The following CHL1 variants were observed in gnomAD, a reference collection of about 807,000 sequenced individuals.
CHL1 encodes neural cell adhesion molecule L1-like protein.
CHL1 carries 96 observed loss-of-function variants against 141.9 expected under a neutral mutation model. The observed-to-expected ratio is 0.68, with a 90% CI of 0.57 to 0.80. The LOEUF (loss-of-function observed/expected upper bound fraction) is 0.80. CHL1 is among the 30% of genes least tolerant of loss of function. The probability of loss-of-function intolerance (pLI) is 0.00; values close to 1 mark genes in which losing one functional copy is unlikely to be tolerated. For synonymous variants in CHL1, 613 were observed against 502.2 expected, an observed-to-expected ratio of 1.22 and a Z score of -2.95; for missense variants, 1,820 against 1,457.2, an observed-to-expected ratio of 1.25 and a Z score of -4.05.
intron 1 of CHL1, among the ~76,000 whole-genome samples, chr3:237,955 T>A (rs13060510): frequency 0.51 from 76,977 of 152,010 alleles, 21,134 homozygotes; most frequent in Non-Finnish European, 0.61. Context: ...ATTGCCTATA[T>A]AAGGTTTTGC....
At chr3:355,772 A>G (rs1703659284) in intron 11 of CHL1, among the ~76,000 whole-genome samples, 1 of 151,492 alleles carries the variant, frequency 6.6e-6, no homozygotes, top group Non-Finnish European at 1.5e-5. Context: ...TGCTTGAATG[A>G]AAAAAAATGT....
chr3:304,185 A>G (rs1361708446), intron 2 of CHL1, among the ~76,000 whole-genome samples: 1 of 152,112 alleles, frequency 6.6e-6, no homozygotes, highest in East Asian at 1.9e-4. Context: ...CATCAGGGAT[A>G]TTGGCCTGAA....
intron 3 of CHL1, among the ~76,000 whole-genome samples, chr3:320,422 G>A (rs957453409): frequency 1.3e-5 from 2 of 151,898 alleles, no homozygotes; most frequent in African/African-American, 4.8e-5. Flanking sequence ...GTAGTCTGAT[G>A]GAAATATATA....
intron 14 of CHL1, among the ~76,000 whole-genome samples, chr3:365,150 C>T (rs189547032): frequency 6.6e-6 from 1 of 152,258 alleles, no homozygotes; most frequent in Non-Finnish European, 1.5e-5. Flanking sequence ...TCAGCTTGTG[C>T]AGTTGGTCTC....
chr3:251,511 T>G (rs1693690305), intron 2 of CHL1, among the ~76,000 whole-genome samples: 1 of 152,178 alleles, frequency 6.6e-6, no homozygotes. Context: ...TGATTTGCAA[T>G]GTGATCTTAG....
At chr3:290,446 G>A (rs940207541) in intron 2 of CHL1, among the ~76,000 whole-genome samples, 1 of 152,090 alleles carries the variant, frequency 6.6e-6, no homozygotes, top group Non-Finnish European at 1.5e-5. Context: ...TTATATTCTA[G>A]GTTAGAAAAG....
intron 22 of CHL1, 131 bp downstream of exon 22, chr3:391,290 T>A (rs552029043): frequency 1.4e-6 from 1 of 696,478 alleles, no homozygotes; most frequent in African/African-American, 1.8e-5. Context: ...CCAAGGCAGA[T>A]GGATCACTTG....
At chr3:382,116 C>CT in intron 16 of CHL1, 63 bp from the exon 17 acceptor site, 1 of 1,432,810 alleles carries the variant, frequency 7.0e-7, no homozygotes. Flanking sequence ...GGCAATGTGT[C>CT]TGAGGAAGGG....
intron 15 of CHL1, chr3:376,331 C>T (rs1706313867): frequency 2.0e-6 from 1 of 493,518 alleles, no homozygotes; most frequent in Non-Finnish European, 4.0e-6. Flanking sequence ...ATTATCCAGG[C>T]TTCATGTTCA....
In CHL1 at chr3:406,168, TA is replaced by T. The variant is rs1709520634; in HGVS notation, c.*462del. On this transcript the variant is annotated 3_prime_UTR_variant, in exon 28 of 28. Coordinates refer to ENST00000256509, the MANE Select transcript of CHL1 (RefSeq NM_006614.4). The stretch of plus-strand genomic sequence containing the variant: ...ATAAGCAAACTGGTTATTTAAAATG[TA>T]AAAAGGAATATGAAAGTCTTATTAA... The T allele has an allele frequency of 6.5e-6, 1 of 153,778 alleles. No homozygotes were observed. The highest frequency in any genetic ancestry group is 1.4e-5 in the Non-Finnish European group (1 of 69,292). 9.5% of individuals were successfully genotyped at this position (153,778 alleles called of 1,614,324 possible). A position where few individuals can be genotyped will look rare whatever the true frequency, so the allele number is the denominator to read the frequency against.
intron 2 of CHL1, among the ~76,000 whole-genome samples, chr3:283,798 G>C (rs989224541): frequency 1.3e-5 from 2 of 152,072 alleles, no homozygotes; most frequent in African/African-American, 4.8e-5. Context: ...AATGTCTTCA[G>C]ATAACATAAA....
intron 26 of CHL1, among the ~76,000 whole-genome samples, chr3:401,032 G>T (rs1709086229): frequency 6.6e-6 from 1 of 150,560 alleles, no homozygotes. Flanking sequence ...TCCTCGTGTA[G>T]CTGGGACTAC....
chr3:288,700 G>T (rs1264907561), intron 2 of CHL1, among the ~76,000 whole-genome samples: 2 of 152,200 alleles, frequency 1.3e-5, no homozygotes, highest in Admixed American at 1.3e-4. Context: ...TGGGCGGGAT[G>T]CGCTCCATCT....
At chr3:349,330 A>G (rs756384214) in intron 9 of CHL1, 29 bp from the exon 10 acceptor site, 6 of 1,575,278 alleles carry the variant, frequency 3.8e-6, no homozygotes, top group Non-Finnish European at 4.3e-6. Context: ...TTTTAAAAAA[A>G]TGTTTATTTA....
intron 9 of CHL1, among the ~76,000 whole-genome samples, chr3:349,088 T>TA (rs1703012046): frequency 6.6e-6 from 1 of 152,216 alleles, no homozygotes; most frequent in Admixed American, 6.5e-5. Context: ...AGTCAGCACT[T>TA]ACATGTAGTT....
intron 2 of CHL1, among the ~76,000 whole-genome samples, chr3:278,674 G>T (rs934741186): frequency 2.0e-5 from 3 of 152,144 alleles, no homozygotes; most frequent in Non-Finnish European, 2.9e-5. Context: ...ACAATTTACT[G>T]TTCCTTTCAA....
At chr3:217,974 C>T (rs887970270) in intron 1 of CHL1, among the ~76,000 whole-genome samples, 1 of 152,112 alleles carries the variant, frequency 6.6e-6, no homozygotes, top group African/African-American at 2.4e-5. Flanking sequence ...ATTTTATGAG[C>T]AAGGCTGTTT....
intron 2 of CHL1, among the ~76,000 whole-genome samples, chr3:292,357 T>C (rs1697767442): frequency 6.6e-6 from 1 of 152,234 alleles, no homozygotes; most frequent in South Asian, 2.1e-4. Context: ...TTTACTTGAC[T>C]TTCCCACATA....
intron 1 of CHL1, among the ~76,000 whole-genome samples, chr3:238,722 C>T (rs1574818443): frequency 6.6e-6 from 1 of 151,030 alleles, no homozygotes; most frequent in East Asian, 2.0e-4. Context: ...GTCAGGAGTT[C>T]GAGACCAGCC....
Sources: gnomAD v4.1 joint callset for allele counts (sites outside exome capture counted in the v4.1 genomes callset) on GRCh38, gnomAD v4.1.1 for gene constraint, MANE v1.5 for transcripts, NCBI Gene and HGNC (gene_info 2026-07-23, HGNC 2026-07-21) for gene names.